Variants in PTDSS1 observed in about 807,000 individuals in gnomAD.
PTDSS1 encodes the protein phosphatidylserine synthase 1, also known as PSS-1.
In PTDSS1, 45 loss-of-function variants were observed where a neutral mutation model predicts 70.5. The observed-to-expected ratio is 0.64, with a 90% CI of 0.50 to 0.82. The LOEUF is 0.82. PTDSS1 is among the 40% of genes least tolerant of loss of function. PTDSS1 has a pLI of 0.00. For missense variants in PTDSS1, 417 were observed against 586.1 expected (o/e 0.71, Z 2.98); for synonymous variants, 188 against 203.8 (o/e 0.92, Z 0.66).
chr8:96,291,431 AC>A (rs1375930549), intron 4 of PTDSS1, among the ~76,000 whole-genome samples: 1 of 150,904 alleles, frequency 6.6e-6, no homozygotes, highest in Non-Finnish European at 1.5e-5. Flanking sequence ...CAGGAATTAA[AC>A]CTAAAATAGA....
At position 96,333,993 on chromosome 8, in the gene PTDSS1, T is replaced by A; in HGVS notation, c.*427T>A. On this transcript the variant is annotated 3_prime_UTR_variant, in exon 13 of 13. Transcript: ENST00000517309. ...TATTTTATTTTTATGAATCTACCTT[T>A]CCATTGATTGATTTAAGTTCAGGCC... is the stretch of plus-strand genomic sequence containing the variant. The A allele has an allele frequency of 2.2e-6, 1 of 450,190 alleles. No homozygotes were observed. The highest frequency in any genetic ancestry group is 3.9e-6 in the Non-Finnish European group (1 of 254,836). 27.9% of individuals were successfully genotyped at this position (450,190 alleles called of 1,614,324 possible).
intron 4 of PTDSS1, among the ~76,000 whole-genome samples, chr8:96,291,677 A>G (rs1250316440): frequency 6.6e-6 from 1 of 152,108 alleles, no homozygotes; most frequent in African/African-American, 2.4e-5. Flanking sequence ...CACATTGCTT[A>G]TTCTATAGGG....
At chr8:96,287,617 G>C (rs1009730252) in intron 4 of PTDSS1, among the ~76,000 whole-genome samples, 1 of 152,010 alleles carries the variant, frequency 6.6e-6, no homozygotes, top group Non-Finnish European at 1.5e-5. Context: ...GGCTGCCCCT[G>C]CACCTGTCAA....
intron 4 of PTDSS1, among the ~76,000 whole-genome samples, chr8:96,289,286 A>T (rs1810869328): frequency 6.6e-6 from 1 of 152,154 alleles, no homozygotes; most frequent in Non-Finnish European, 1.5e-5. Context: ...GGAAGGTGGG[A>T]CTGAAAGTTC....
chr8:96,274,968 A>G (rs1271218898), intron 2 of PTDSS1, among the ~76,000 whole-genome samples: 1 of 152,168 alleles, frequency 6.6e-6, no homozygotes, highest in Non-Finnish European at 1.5e-5. Flanking sequence ...TTAGGTGAAA[A>G]AGAATTTTTT....
intron 3 of PTDSS1, among the ~76,000 whole-genome samples, chr8:96,286,173 C>T (rs930190549): frequency 6.6e-6 from 1 of 152,170 alleles, no homozygotes; most frequent in African/African-American, 2.4e-5. Context: ...TGCTGTGATC[C>T]AAGGTCATTT....
Position 96,327,380 on chromosome 8 carries a change from G to A in PTDSS1, c.1174-2833G>A, listed in dbSNP as rs189115872. On this transcript the variant is annotated intron_variant, in intron 10 of 12. Coordinates refer to ENST00000517309, the MANE Select transcript of PTDSS1 (RefSeq NM_014754.3). Reference sequence around the variant, plus strand: ...ACAGGATGAGACATGAGAGAGGGACGTCGCCCGAAAAGAGGCCCTGAGACA... The same window carrying A: ...ACAGGATGAGACATGAGAGAGGGACATCGCCCGAAAAGAGGCCCTGAGACA... 9.2e-5 allele frequency among the ~76,000 whole-genome samples: 14 copies of A among 152,180 alleles called. 1 individual carries two copies. The highest frequency in any genetic ancestry group is 2.9e-4 in the African/African-American group (12 of 41,504).
intron 1 of PTDSS1, among the ~76,000 whole-genome samples, chr8:96,267,003 ATACC>A (rs1384301315): frequency 6.6e-6 from 1 of 152,220 alleles, no homozygotes; most frequent in Non-Finnish European, 1.5e-5. Context: ...CAGAGATTAT[ATACC>A]TAGGAACTGC....
intron 11 of PTDSS1, 128 bp from the exon 12 acceptor site, chr8:96,330,898 G>C: frequency 2.8e-6 from 2 of 715,216 alleles, no homozygotes; most frequent in East Asian, 5.1e-5. Flanking sequence ...GCACAGGGAG[G>C]TTCTGTCACT....
intron 2 of PTDSS1, 88 bp from the exon 3 acceptor site, chr8:96,284,021 G>A: frequency 1.9e-6 from 2 of 1,029,814 alleles, no homozygotes; most frequent in Non-Finnish European, 2.9e-6. Flanking sequence ...TTTTCTTCTT[G>A]TTATCTGTAT....
At chr8:96,331,004 C>T (rs755492366) in intron 11 of PTDSS1, 22 bp from the exon 12 acceptor site, 79 of 1,602,220 alleles carry the variant, frequency 4.9e-5, no homozygotes, top group Middle Eastern at 1.7e-4. Flanking sequence ...AATTCCTGCA[C>T]TAAGCCTGTC....
intron 9 of PTDSS1, among the ~76,000 whole-genome samples, chr8:96,310,732 T>A (rs1468108941): frequency 6.6e-6 from 1 of 152,068 alleles, no homozygotes; most frequent in Non-Finnish European, 1.5e-5. Flanking sequence ...TACAGCAGCA[T>A]GGTCACAATG....
chr8:96,262,270 C>CGGGTGGGTGGGGG lies in PTDSS1; in HGVS notation c.179+54_179+55insTGGGTGGGGGGGG. The CGGGTGGGTGGGGG allele has an allele frequency of 3.6e-6, 1 of 280,076 alleles. No homozygotes were observed. The highest frequency in any genetic ancestry group is 4.3e-5 in the Admixed American group (1 of 23,342). 17.3% of individuals were successfully genotyped at this position (280,076 alleles called of 1,614,324 possible). A position where few individuals can be genotyped will look rare whatever the true frequency, so the allele number is the denominator to read the frequency against. Reference sequence around the variant, plus strand: ...GCGCGTCCAAGGGCTAGGGAAGAGGCGGGAGGGAGGGTGGCGGGGAGGGGG... The same window carrying CGGGTGGGTGGGGG: ...GCGCGTCCAAGGGCTAGGGAAGAGGCGGGTGGGTGGGGGGGGAGGGAGGGTGGCGGGGAGGGGG... On this transcript the variant is annotated intron_variant, in intron 1 of 12. Coordinates refer to ENST00000517309, the MANE Select transcript of PTDSS1 (RefSeq NM_014754.3). The surrounding 1 kb of genome is among the most constrained non-coding windows in gnomAD (Gnocchi z 4.4).
intron 9 of PTDSS1, among the ~76,000 whole-genome samples, chr8:96,310,442 A>G (rs182967656): frequency 0.023 from 3,447 of 150,950 alleles, 115 homozygotes; most frequent in African/African-American, 0.077. Flanking sequence ...GATTACAGGC[A>G]TGAGCCACCG....
At chr8:96,301,578 G>A (rs145680702) in intron 6 of PTDSS1, among the ~76,000 whole-genome samples, 2,185 of 152,014 alleles carry the variant, frequency 0.014, 164 homozygotes, top group Admixed American at 0.12. Context: ...GGAATGCAAT[G>A]GCACAATCTC....
At chr8:96,328,046 TG>T (rs1811462732) in intron 10 of PTDSS1, among the ~76,000 whole-genome samples, 1 of 152,122 alleles carries the variant, frequency 6.6e-6, no homozygotes, top group Non-Finnish European at 1.5e-5. Flanking sequence ...GTGTGACGAT[TG>T]TGATGATAAG....
At chr8:96,314,740 G>A (rs1811261011) in intron 9 of PTDSS1, among the ~76,000 whole-genome samples, 1 of 152,130 alleles carries the variant, frequency 6.6e-6, no homozygotes, top group Non-Finnish European at 1.5e-5. Context: ...GGGACTACAG[G>A]TGCCCGTCAC....
intron 2 of PTDSS1, among the ~76,000 whole-genome samples, chr8:96,275,468 C>T (rs1267637831): frequency 6.6e-6 from 1 of 152,212 alleles, no homozygotes; most frequent in Non-Finnish European, 1.5e-5. Flanking sequence ...AAATCCCTGA[C>T]GTCAAACAGC....
In PTDSS1 at chr8:96,301,668, G is replaced by A. The variant is rs114678648; in HGVS notation, c.752+1823G>A. On this transcript the variant is annotated intron_variant, in intron 6 of 12. Coordinates refer to ENST00000517309, the MANE Select transcript of PTDSS1 (RefSeq NM_014754.3). Reference sequence around the variant, plus strand: ...CCGAGTAGCTGGGATTAGCCACCACGCCCGGCTAACTTTTTTTTTTGTATT... The same window carrying A: ...CCGAGTAGCTGGGATTAGCCACCACACCCGGCTAACTTTTTTTTTTGTATT... Among the ~76,000 whole-genome samples, 535 of 151,314 alleles carry A rather than the reference G, an allele frequency of 3.5e-3. 1 individual carries two copies. Among genetic ancestry groups the A allele is most frequent in the African/African-American group, 0.012 (491 of 41,156 alleles).
Sources: gnomAD v4.1 joint callset for allele counts (sites outside exome capture counted in the v4.1 genomes callset) on GRCh38, gnomAD v4.1.1 for gene constraint, Gnocchi (gnomAD v3.1) non-coding constraint, MANE v1.5 for transcripts, NCBI Gene and HGNC (gene_info 2026-07-23, HGNC 2026-07-21) for gene names.